Variants in LUZP2 observed in about 807,000 individuals in gnomAD.
LUZP2 encodes leucine zipper protein 2.
LUZP2 carries 52 observed loss-of-function variants against 51.6 expected under a neutral mutation model. That is an observed-to-expected ratio of 1.01 (90% CI 0.81 to 1.27). The LOEUF (loss-of-function observed/expected upper bound fraction) is 1.27, where lower values mean the gene tolerates loss of function less well. Ranked by LOEUF, LUZP2 falls within the 50% of genes most tolerant of loss-of-function variation. The pLI, the probability that LUZP2 is intolerant of heterozygous loss-of-function variation, is 0.00. For synonymous variants in LUZP2, 154 were observed against 137.3 expected (o/e 1.12, Z -0.85); for missense variants, 436 against 395.4 (o/e 1.10, Z -0.87).
intron 5 of LUZP2, among the ~76,000 whole-genome samples, chr11:24,795,543 T>C (rs1849522919): frequency 6.6e-6 from 1 of 152,090 alleles, no homozygotes; most frequent in African/African-American, 2.4e-5. Context: ...CTGGGCTCAT[T>C]TCATGATTAA....
chr11:24,536,093 G>C (rs7952648), intron 1 of LUZP2, among the ~76,000 whole-genome samples: 2 of 151,614 alleles, frequency 1.3e-5, no homozygotes, highest in Non-Finnish European at 3.0e-5. Context: ...CTCCACACAA[G>C]TCTTAACATA....
chr11:24,688,965 C>T (rs899779771), intron 1 of LUZP2, among the ~76,000 whole-genome samples: 3 of 152,076 alleles, frequency 2.0e-5, no homozygotes, highest in African/African-American at 4.8e-5. Flanking sequence ...ACATACTACC[C>T]GTGGTGAATC....
At chr11:24,558,148 A>G (rs1338579377) in intron 1 of LUZP2, among the ~76,000 whole-genome samples, 1 of 152,068 alleles carries the variant, frequency 6.6e-6, no homozygotes, top group East Asian at 1.9e-4. Flanking sequence ...TCAAAATTCC[A>G]GGTTCACCAG....
chr11:24,643,120 A>T (rs544663168), intron 1 of LUZP2, among the ~76,000 whole-genome samples: 1 of 151,932 alleles, frequency 6.6e-6, no homozygotes, highest in Admixed American at 6.6e-5. Context: ...GATTAAGACG[A>T]GATTAAGGCT....
At chr11:25,053,616 T>A in intron 10 of LUZP2, among the ~76,000 whole-genome samples, 1 of 152,028 alleles carries the variant, frequency 6.6e-6, no homozygotes, top group East Asian at 1.9e-4. Flanking sequence ...ACATGGTTTC[T>A]TTTTGTATTT....
chr11:25,054,134 G>T (rs1181361478), intron 10 of LUZP2, among the ~76,000 whole-genome samples: 1 of 152,128 alleles, frequency 6.6e-6, no homozygotes, highest in Non-Finnish European at 1.5e-5. Context: ...TGTATTCACG[G>T]TCTCACCAGT....
At chr11:24,936,096 A>C (rs966042627) in intron 7 of LUZP2, among the ~76,000 whole-genome samples, 20 of 152,126 alleles carry the variant, frequency 1.3e-4, no homozygotes, top group African/African-American at 4.8e-4. Context: ...AGAAGAAGAC[A>C]TTTACCTTTT....
intron 5 of LUZP2, among the ~76,000 whole-genome samples, chr11:24,863,715 G>A (rs779177624): frequency 2.0e-4 from 31 of 152,014 alleles, no homozygotes; most frequent in Non-Finnish European, 4.1e-4. Flanking sequence ...TATATAAATT[G>A]CATCTAAATA....
chr11:24,507,973 A>G (rs898347305), intron 1 of LUZP2, among the ~76,000 whole-genome samples: 1 of 150,968 alleles, frequency 6.6e-6, no homozygotes, highest in African/African-American at 2.4e-5. Context: ...AACTCAAAAT[A>G]TAAATAATAA....
chr11:25,006,143 T>C (rs1856829876), intron 9 of LUZP2, among the ~76,000 whole-genome samples: 1 of 152,124 alleles, frequency 6.6e-6, no homozygotes, highest in South Asian at 2.1e-4. Flanking sequence ...TCTTTCTGAT[T>C]GGTGAGCCCG....
intron 5 of LUZP2, among the ~76,000 whole-genome samples, chr11:24,873,520 AC>A (rs1196528793): frequency 1.3e-5 from 2 of 152,054 alleles, no homozygotes; most frequent in African/African-American, 4.8e-5. Flanking sequence ...CCTTCAGATA[AC>A]CCTTTGACTT....
chr11:24,900,683 T>G (rs1488186450), intron 5 of LUZP2, among the ~76,000 whole-genome samples: 1 of 152,176 alleles, frequency 6.6e-6, no homozygotes, highest in Non-Finnish European at 1.5e-5. Context: ...AGAAGTCGAC[T>G]GTTAAAACCA....
intron 9 of LUZP2, among the ~76,000 whole-genome samples, chr11:25,046,812 T>C (rs1473033314): frequency 1.3e-5 from 2 of 152,136 alleles, no homozygotes; most frequent in African/African-American, 2.4e-5. Context: ...CTGTAAAGTA[T>C]AGATACAAAC....
At chr11:24,804,612 C>T (rs1849799220) in intron 5 of LUZP2, among the ~76,000 whole-genome samples, 1 of 152,128 alleles carries the variant, frequency 6.6e-6, no homozygotes, top group Non-Finnish European at 1.5e-5. Context: ...TAGCATCTCT[C>T]TATCTTAGAG....
At chr11:24,706,726 CTGGTAGA>C (rs1857597181) in intron 1 of LUZP2, among the ~76,000 whole-genome samples, 2 of 152,142 alleles carry the variant, frequency 1.3e-5, no homozygotes, top group African/African-American at 4.8e-5. Flanking sequence ...TCTTAATCTA[CTGGTAGA>C]TATTTCCCAT....
intron 1 of LUZP2, among the ~76,000 whole-genome samples, chr11:24,726,482 T>C (rs907091658): frequency 6.6e-5 from 10 of 151,046 alleles, no homozygotes; most frequent in Non-Finnish European, 1.0e-4. Flanking sequence ...AAAAAAAAAA[T>C]AAATACAAGA....
chr11:24,725,793 T>C (rs891059961), intron 1 of LUZP2, among the ~76,000 whole-genome samples: 4 of 152,238 alleles, frequency 2.6e-5, no homozygotes, highest in African/African-American at 9.6e-5. Flanking sequence ...GGAGATAGTT[T>C]TTGCAGAGGT....
intron 1 of LUZP2, among the ~76,000 whole-genome samples, chr11:24,527,282 C>A (rs974535330): frequency 2.0e-5 from 3 of 151,242 alleles, no homozygotes; most frequent in Admixed American, 6.6e-5. Flanking sequence ...ATAGTGGGAA[C>A]TTTTCTGATT....
At chr11:24,616,603 C>T (rs1180097376) in intron 1 of LUZP2, among the ~76,000 whole-genome samples, 1 of 151,962 alleles carries the variant, frequency 6.6e-6, no homozygotes, top group African/African-American at 2.4e-5. Flanking sequence ...TGTCAAAATG[C>T]AGTTGGACAT....
Sources: allele counts gnomAD v4.1 joint callset (sites outside exome capture counted in the v4.1 genomes callset), GRCh38; gene constraint gnomAD v4.1.1; transcripts MANE v1.5; gene names NCBI Gene and HGNC (gene_info 2026-07-23, HGNC 2026-07-21).